Variants in DLC1 observed in about 807,000 individuals in gnomAD.
DLC1 encodes rho GTPase-activating protein 7.
Under a neutral mutation model 140.3 loss-of-function variants are expected in DLC1, and 54 were observed. That is an observed-to-expected ratio of 0.38 (90% confidence interval 0.31 to 0.48). The LOEUF (loss-of-function observed/expected upper bound fraction) is 0.48, where lower values mean the gene tolerates loss of function less well. DLC1 is among the 20% of genes least tolerant of loss of function. The probability of loss-of-function intolerance (pLI) is 0.96; values close to 1 mark genes in which losing one functional copy is unlikely to be tolerated. For synonymous variants in DLC1, 986 were observed against 728.1 expected, an observed-to-expected ratio of 1.35 and a Z score of -5.70; for missense variants, 2,536 against 1,907.0, an observed-to-expected ratio of 1.33 and a Z score of -6.14.
At chr8:13,245,355 GCAGAGGCACTCTGTGCCTATCC>G (rs1829721758) in intron 5 of DLC1, among the ~76,000 whole-genome samples, 2 of 152,216 alleles carry the variant, frequency 1.3e-5, no homozygotes, top group Non-Finnish European at 2.9e-5. Context: ...ACATTGTGTA[GCAGAGGCACTCTGTGCCTATCC>G]CAATTCTGAC....
chr8:13,095,513 C>A, intron 10 of DLC1: 1 of 437,140 alleles, frequency 2.3e-6, no homozygotes, highest in East Asian at 4.1e-5. Flanking sequence ...TTCTCCTGGA[C>A]AGTGCTGTTC....
intron 5 of DLC1, among the ~76,000 whole-genome samples, chr8:13,116,547 A>G (rs555377030): frequency 1.3e-5 from 2 of 152,346 alleles, no homozygotes; most frequent in South Asian, 2.1e-4. Context: ...AGGTCTCAAC[A>G]TTGCATAATT....
In DLC1 at chr8:13,350,453, C is replaced by T. The variant is rs531751699; in HGVS notation, c.1314+43100G>A. ...ACACCAGGCCAGGCGTGGTGGCTCA[C>T]GTCTGTAATCTCAGCACTTTGGAAA... On this transcript the variant is annotated intron_variant, in intron 4 of 17. Transcript: ENST00000276297. Among the ~76,000 whole-genome samples the T allele has an allele frequency of 3.8e-4, 58 of 152,256 alleles. 1 individual carries two copies. The highest frequency in any genetic ancestry group is 1.9e-3 in the South Asian group (9 of 4,826).
At chr8:13,299,211 G>A (rs547246649) in intron 5 of DLC1, among the ~76,000 whole-genome samples, 5 of 152,140 alleles carry the variant, frequency 3.3e-5, no homozygotes, top group African/African-American at 7.2e-5. Context: ...GGGAGGCCAA[G>A]GCGGGTGGAT....
intron 5 of DLC1, among the ~76,000 whole-genome samples, chr8:13,233,427 C>T (rs1174743582): frequency 2.7e-5 from 4 of 149,266 alleles, no homozygotes; most frequent in Non-Finnish European, 4.4e-5. Flanking sequence ...GACAGATACT[C>T]TTATTTTTAT....
intron 5 of DLC1, among the ~76,000 whole-genome samples, chr8:13,143,144 C>T (rs773845213): frequency 3.3e-5 from 5 of 151,750 alleles, no homozygotes; most frequent in South Asian, 2.1e-4. Flanking sequence ...GTATAGATAT[C>T]TGTATCCATC....
At chr8:13,552,872 C>A (rs1803912994) in intron 1 of DLC1, among the ~76,000 whole-genome samples, 1 of 151,652 alleles carries the variant, frequency 6.6e-6, no homozygotes, top group Non-Finnish European at 1.5e-5. Context: ...TAAACTAAAT[C>A]TTTTCTAGAG....
chr8:13,583,125 C>G (rs1805175019), intron 1 of DLC1, among the ~76,000 whole-genome samples: 1 of 151,734 alleles, frequency 6.6e-6, no homozygotes, highest in Non-Finnish European at 1.5e-5. Flanking sequence ...TAAAATAAGA[C>G]AATAATGAAA....
At chr8:13,539,536 C>A (rs990212159) in intron 1 of DLC1, among the ~76,000 whole-genome samples, 2 of 152,138 alleles carry the variant, frequency 1.3e-5, no homozygotes, top group Non-Finnish European at 2.9e-5. Context: ...AGCAAACCAG[C>A]AAGCTGAGAG....
intron 1 of DLC1, among the ~76,000 whole-genome samples, chr8:13,575,063 C>A (rs1804789949): frequency 6.6e-6 from 1 of 152,176 alleles, no homozygotes; most frequent in Non-Finnish European, 1.5e-5. Context: ...AGTTGAATTT[C>A]TGTTCTTAGT....
At position 13,514,748 on chromosome 8, in the gene DLC1, T is replaced by C. The variant is rs927670694; in HGVS notation, c.-272A>G. ...CTCTATTCTGAGCAGTTTCACGCAGTGTGTGAGTCTAACAAAAACACCCTC... is the reference window on the plus strand; with the variant it reads ...CTCTATTCTGAGCAGTTTCACGCAGCGTGTGAGTCTAACAAAAACACCCTC... On this transcript the variant is annotated 5_prime_UTR_variant, in exon 1 of 18. Transcript: ENST00000276297. 2 of 398,004 alleles carry C rather than the reference T, an allele frequency of 5.0e-6. No individual in the cohort carries two copies. Among genetic ancestry groups the C allele is most frequent in the Non-Finnish European group, 8.9e-6 (2 of 225,684 alleles). 24.7% of individuals were successfully genotyped at this position (398,004 alleles called of 1,614,324 possible).
chr8:13,438,436 A>G (rs905046255), intron 2 of DLC1, among the ~76,000 whole-genome samples: 37 of 152,170 alleles, frequency 2.4e-4, no homozygotes, highest in African/African-American at 6.0e-4. Context: ...TTTGAAAAAA[A>G]TAGCCAGAAT....
At chr8:13,516,742 A>G (rs1802601498), upstream of DLC1, among the ~76,000 whole-genome samples, 1 of 152,190 alleles carries the variant, frequency 6.6e-6, no homozygotes. Flanking sequence ...ATTCTTTAAA[A>G]AGTATTTATA....
chr8:13,084,733 T>A lies in DLC1; in HGVS notation c.*1078A>T, dbSNP rs907498824. 8 of 152,186 alleles carry A rather than the reference T, an allele frequency of 5.3e-5. No homozygotes were observed. Among genetic ancestry groups the A allele is most frequent in the Admixed American group, 3.9e-4 (6 of 15,268 alleles). 9.4% of individuals were successfully genotyped at this position (152,186 alleles called of 1,614,324 possible). A position where few individuals can be genotyped will look rare whatever the true frequency, so the allele number is the denominator to read the frequency against. On this transcript the variant is annotated 3_prime_UTR_variant, in exon 18 of 18. Transcript: ENST00000276297. ...CACATGTGGCTTTCAGGAATGCCGT[T>A]AACAACCAAAGGCGGGGAAAAAGCC...
At chr8:13,570,633 T>G (rs1275767370) in intron 1 of DLC1, among the ~76,000 whole-genome samples, 1 of 151,424 alleles carries the variant, frequency 6.6e-6, no homozygotes, top group Non-Finnish European at 1.5e-5. Context: ...ACTCATCATT[T>G]TTTATGGCTG....
Position 13,116,276 on chromosome 8 carries a change from T to C in DLC1, c.1349-619A>G, listed in dbSNP as rs932420637. ...CACAATCTTGGCAGGCAGAAATGGCTAATAAAGCTTCTACCTCCCTGTGGT... is the reference window on the plus strand; with the variant it reads ...CACAATCTTGGCAGGCAGAAATGGCCAATAAAGCTTCTACCTCCCTGTGGT... On this transcript the variant is annotated intron_variant, in intron 5 of 17. Transcript: ENST00000276297. 10 of 966,886 alleles carry C rather than the reference T, an allele frequency of 1.0e-5. No individual in the cohort carries two copies. The African/African-American group carries it at 1.4e-4, about 14-fold the overall frequency. The allele number at this position is 966,886 out of a possible 1,614,324, so 59.9% of individuals were successfully genotyped here.
At chr8:13,188,028 G>C (rs902391317) in intron 5 of DLC1, among the ~76,000 whole-genome samples, 1 of 151,154 alleles carries the variant, frequency 6.6e-6, no homozygotes, top group Non-Finnish European at 1.5e-5. Context: ...AGTTTAGGTT[G>C]CTATACAGAA....
At chr8:13,338,655 A>C (rs1226988971) in intron 4 of DLC1, 1 of 152,150 alleles carries the variant, frequency 6.6e-6, no homozygotes, top group Non-Finnish European at 1.5e-5. Flanking sequence ...TCTATTTCCC[A>C]TGTCCCCACA....
intron 5 of DLC1, among the ~76,000 whole-genome samples, chr8:13,218,257 C>A (rs183654035): frequency 1.3e-5 from 2 of 152,136 alleles, no homozygotes; most frequent in African/African-American, 4.8e-5. Flanking sequence ...GATTGAAGGC[C>A]TATGTTTAAG....
Sources: gnomAD v4.1 joint callset for allele counts (sites outside exome capture counted in the v4.1 genomes callset) on GRCh38, gnomAD v4.1.1 for gene constraint, MANE v1.5 for transcripts, NCBI Gene and HGNC (gene_info 2026-07-23, HGNC 2026-07-21) for gene names.